Variants in VWA5B1 observed in about 807,000 individuals in gnomAD.
VWA5B1 encodes von Willebrand factor A domain containing 5B1.
VWA5B1 carries 115 observed loss-of-function variants against 118.2 expected under a neutral mutation model. That is an observed-to-expected ratio of 0.97 (90% confidence interval 0.84 to 1.14). The LOEUF is 1.14. Among genes scored for constraint, VWA5B1 ranks in the 50% most tolerant of loss-of-function variants. The pLI is 0.00. For missense variants in VWA5B1, 1,596 were observed against 1,603.8 expected (o/e 1.00, Z 0.08); for synonymous variants, 682 against 658.4 (o/e 1.04, Z -0.55).
intron 21 of VWA5B1, among the ~76,000 whole-genome samples, chr1:20,352,660 A>G (rs2090152841): frequency 6.6e-6 from 1 of 152,166 alleles, no homozygotes; most frequent in Admixed American, 6.5e-5. Flanking sequence ...TCTCTGAATT[A>G]AGGAGCAAGG....
In VWA5B1 at chr1:20,354,847, C is replaced by T. The variant is rs1368515080; in HGVS notation, c.*584C>T. 1 of 152,766 alleles carries T rather than the reference C, an allele frequency of 6.5e-6. No homozygotes were observed. Among genetic ancestry groups the T allele is most frequent in the Non-Finnish European group, 1.5e-5 (1 of 68,552 alleles). 9.5% of individuals were successfully genotyped at this position (152,766 alleles called of 1,614,324 possible). A position where few individuals can be genotyped will look rare whatever the true frequency, so the allele number is the denominator to read the frequency against. The stretch of plus-strand genomic sequence containing the variant: ...CCCACTTAAAAGCCAATTGGAGAAG[C>T]ATCCTTCTCAACGCTTTACAAAAGA... On this transcript the variant is annotated 3_prime_UTR_variant, in exon 22 of 22. Transcript: ENST00000289815.
In VWA5B1 at chr1:20,319,067, G is replaced by A. The variant is rs114846490; in HGVS notation, c.842-315G>A. On this transcript the variant is annotated intron_variant, in intron 6 of 21. Transcript: ENST00000289815. The stretch of plus-strand genomic sequence containing the variant: ...TCTGTAGCCTCAAGGAGAAATTCTT[G>A]TCTGTTCAAGAATTCACAGAATGTC... 4.6e-3 allele frequency among the ~76,000 whole-genome samples: 700 copies of A among 152,322 alleles called. 2 individuals are homozygous for A. The highest frequency in any genetic ancestry group is 0.015 in the African/African-American group (624 of 41,556).
At chr1:20,351,439 G>T (rs1436446186) in intron 20 of VWA5B1, among the ~76,000 whole-genome samples, 1 of 152,110 alleles carries the variant, frequency 6.6e-6, no homozygotes, top group African/African-American at 2.4e-5. Flanking sequence ...AGATCATAAG[G>T]TCAGGAGTTC....
At chr1:20,319,590 G>A in intron 7 of VWA5B1, 84 bp downstream of exon 7, 1 of 1,517,872 alleles carries the variant, frequency 6.6e-7, no homozygotes, top group South Asian at 1.3e-5. Context: ...AGTGAGGTGG[G>A]GAGGTAACCT....
intron 13 of VWA5B1, among the ~76,000 whole-genome samples, 177 bp downstream of exon 13, chr1:20,336,663 A>G (rs1463724179): frequency 1.3e-5 from 2 of 152,214 alleles, no homozygotes; most frequent in Non-Finnish European, 2.9e-5. Context: ...CTTAGCTCAT[A>G]GAGCAATAGG....
At chr1:20,342,360 T>TTCCTCCTCCTTC in intron 14 of VWA5B1, 72 bp from the exon 15 acceptor site, 1 of 1,485,620 alleles carries the variant, frequency 6.7e-7, no homozygotes, top group Admixed American at 2.0e-5. Flanking sequence ...CCAGGAGCTC[T>TTCCTCCTCCTTC]TCCTCCTCCT....
Position 20,318,594 on chromosome 1 carries a change from G to A in VWA5B1, c.714G>A (p.Val238=), listed in dbSNP as rs930466429. Residue 238 remains valine, a synonymous_variant, in exon 6 of 22, where the codon GTG becomes GTA. Coordinates refer to ENST00000289815, the MANE Select transcript of VWA5B1 (RefSeq NM_001039500.3). The part of the protein sequence containing the change: ...EIRGPCLLAG[V]ESPTHEIRAD... ...TTGCCTTTCTATGCCACTCAGGGGT[G>A]GAGAGTCCCACTCATGAGATTCGTG... is the stretch of plus-strand genomic sequence containing the variant. 1.2e-5 allele frequency: 19 copies of A among 1,551,228 alleles called. No homozygotes were observed. The highest frequency in any genetic ancestry group is 4.1e-5 in the African/African-American group (3 of 72,990).
chr1:20,315,096 G>A (rs1444970451), intron 4 of VWA5B1, among the ~76,000 whole-genome samples: 5 of 152,214 alleles, frequency 3.3e-5, no homozygotes, highest in Admixed American at 6.5e-5. Context: ...TATAAAAGAC[G>A]GACCCAACCT....
In VWA5B1 at chr1:20,354,679, CAAATA is replaced by C; in HGVS notation, c.*420_*424del. 5.3e-6 allele frequency: 1 copy of C among 189,736 alleles called. No individual in the cohort carries two copies. The highest frequency in any genetic ancestry group is 1.1e-5 in the Non-Finnish European group (1 of 92,000). 11.8% of individuals were successfully genotyped at this position (189,736 alleles called of 1,614,324 possible). On this transcript the variant is annotated 3_prime_UTR_variant, in exon 22 of 22. Transcript: ENST00000289815. ...CGGAGTGGACACAGCAATGCCCACT[CAAATA>C]AAAGGGCAGATGAGAGAACCCAGTG...
At chr1:20,316,579 C>A (rs1318171715) in intron 4 of VWA5B1, among the ~76,000 whole-genome samples, 1 of 152,060 alleles carries the variant, frequency 6.6e-6, no homozygotes, top group Non-Finnish European at 1.5e-5. Context: ...GATTAAAGAC[C>A]TTAGGGGGTG....
At chr1:20,337,407 C>T (rs750209768) in intron 13 of VWA5B1, among the ~76,000 whole-genome samples, 3 of 152,112 alleles carry the variant, frequency 2.0e-5, no homozygotes, top group African/African-American at 2.4e-5. Flanking sequence ...GGATTACAGA[C>T]GTGAGCCACC....
chr1:20,347,391 A>G (rs1483972686), intron 17 of VWA5B1, among the ~76,000 whole-genome samples: 1 of 151,794 alleles, frequency 6.6e-6, no homozygotes, highest in African/African-American at 2.4e-5. Flanking sequence ...GCTCTCTGAG[A>G]GTGGGGTTCC....
At chr1:20,340,923 T>G (rs953606604) in intron 14 of VWA5B1, among the ~76,000 whole-genome samples, 3 of 152,228 alleles carry the variant, frequency 2.0e-5, no homozygotes, top group African/African-American at 7.2e-5. Context: ...AATGTCTTTT[T>G]AATTCACTTT....
intron 12 of VWA5B1, among the ~76,000 whole-genome samples, chr1:20,336,018 C>G (rs1363136832): frequency 1.3e-5 from 2 of 152,034 alleles, no homozygotes; most frequent in African/African-American, 4.8e-5. Context: ...ATTTCGGTTA[C>G]CTATTTGGAG....
intron 4 of VWA5B1, among the ~76,000 whole-genome samples, chr1:20,317,155 CAAAAAA>C (rs367872784): frequency 1.4e-5 from 1 of 70,526 alleles, no homozygotes; most frequent in Non-Finnish European, 2.8e-5. Flanking sequence ...GACTGCATCT[CAAAAAA>C]AAAAAAAAAA....
At chr1:20,353,511 G>A (rs911323292) in intron 21 of VWA5B1, among the ~76,000 whole-genome samples, 2 of 152,214 alleles carry the variant, frequency 1.3e-5, no homozygotes, top group Non-Finnish European at 2.9e-5. Context: ...CCCAGTGGCT[G>A]AGGTGAGGCC....
intron 10 of VWA5B1, 87 bp from the exon 11 acceptor site, chr1:20,330,782 C>A (rs2089527959): frequency 3.0e-6 from 4 of 1,338,024 alleles, no homozygotes; most frequent in African/African-American, 1.5e-5. Flanking sequence ...AAGATCCTGC[C>A]AGACCATGCT....
In VWA5B1 at chr1:20,354,559, C is replaced by T; in HGVS notation, c.*296C>T. ...CAAATGGTTCAGTGGTTCCTTTCTG[C>T]CCATTCAGGCAGTCCCGGGCTGACT... On this transcript the variant is annotated 3_prime_UTR_variant, in exon 22 of 22. Coordinates refer to ENST00000289815, the MANE Select transcript of VWA5B1 (RefSeq NM_001039500.3). The T allele has an allele frequency of 2.5e-6, 1 of 402,294 alleles. No individual in the cohort carries two copies. The highest frequency in any genetic ancestry group is 4.5e-6 in the Non-Finnish European group (1 of 221,264). The allele number at this position is 402,294 out of a possible 1,614,324, so 24.9% of individuals were successfully genotyped here. A position where few individuals can be genotyped will look rare whatever the true frequency, so the allele number is the denominator to read the frequency against.
At chr1:20,316,746 G>A (rs1278913430) in intron 4 of VWA5B1, among the ~76,000 whole-genome samples, 3 of 152,144 alleles carry the variant, frequency 2.0e-5, no homozygotes, top group Non-Finnish European at 4.4e-5. Context: ...TTTAAAGGAT[G>A]GGAAAACAAA....
Sources: allele counts gnomAD v4.1 joint callset (sites outside exome capture counted in the v4.1 genomes callset), GRCh38; gene constraint gnomAD v4.1.1; transcripts MANE v1.5; gene names NCBI Gene and HGNC (gene_info 2026-07-23, HGNC 2026-07-21).